Variants in PLEK observed in about 807,000 individuals in gnomAD.
PLEK encodes pleckstrin.
In PLEK, 25 loss-of-function variants were observed where a neutral mutation model predicts 43.9. That is an observed-to-expected ratio of 0.57 (90% confidence interval 0.41 to 0.79). PLEK has a LOEUF of 0.79. PLEK is among the 30% of genes least tolerant of loss of function. The probability of loss-of-function intolerance (pLI) is 0.00; values close to 1 mark genes in which losing one functional copy is unlikely to be tolerated. For synonymous variants in PLEK, 152 were observed against 144.4 expected, an observed-to-expected ratio of 1.05 and a Z score of -0.38; for missense variants, 396 against 413.3, an observed-to-expected ratio of 0.96 and a Z score of 0.36.
rs750083058 is a variant in PLEK, at chr2:68,395,944, G to T, written c.*128G>T. On this transcript the variant is annotated 3_prime_UTR_variant, in exon 9 of 9. Transcript: ENST00000234313. ...GGTGGGAAGTTTTCATTTGCAGGGG[G>T]GTCTGAATGTAACTCACCATGTGGT... 31 of 775,400 alleles carry T rather than the reference G, an allele frequency of 4.0e-5. No individual in the cohort carries two copies. Among genetic ancestry groups the T allele is most frequent in the Non-Finnish European group, 6.5e-5 (30 of 461,712 alleles). The allele number at this position is 775,400 out of a possible 1,614,324, so 48.0% of individuals were successfully genotyped here. A position where few individuals can be genotyped will look rare whatever the true frequency, so the allele number is the denominator to read the frequency against.
rs1207630262 is a variant in PLEK, at chr2:68,393,210, G to C, written c.811G>C (p.Asp271His). 1 of 1,612,908 alleles carries C rather than the reference G, an allele frequency of 6.2e-7. No homozygotes were observed. The highest frequency in any genetic ancestry group is 8.5e-7 in the Non-Finnish European group (1 of 1,178,886). The change falls in exon 7 of 9, where the codon GAC becomes CAC. Residue 271 changes from aspartate to histidine, a missense_variant. Physicochemically the swap from Asp to His is moderately conservative, Grantham distance 81. Coordinates refer to ENST00000234313, the MANE Select transcript of PLEK (RefSeq NM_002664.3). ...AGTGAGGAAGTTCATCTTGAGAGAA[G>C]ACCCTGCCTACCTGCACTACTATGA... Reference protein sequence around the residue: ...WKVRKFILREDPAYLHYYDPA... With the variant: ...WKVRKFILREHPAYLHYYDPA...
In PLEK at chr2:68,380,571, T is replaced by C. The variant is rs950676887; in HGVS notation, c.198+88T>C. On this transcript the variant is annotated intron_variant, in intron 2 of 8. Transcript: ENST00000234313. ...TTGCCTACAATGTGGGTGGTGCTCCTTGGGCTGGTCCCTCTCACCACCACC... is the reference window on the plus strand; with the variant it reads ...TTGCCTACAATGTGGGTGGTGCTCCCTGGGCTGGTCCCTCTCACCACCACC... 74 of 1,455,016 alleles carry C rather than the reference T, an allele frequency of 5.1e-5. 1 individual carries two copies. The East Asian group carries it at 1.7e-3, about 33-fold the overall frequency. 90.1% of individuals were successfully genotyped at this position (1,455,016 alleles called of 1,614,324 possible).
chr2:68,380,899 C>G lies in PLEK; in HGVS notation c.375C>G (p.Asp125Glu). The stretch of plus-strand genomic sequence containing the variant: ...CCATTCGACTGCCAGAAACCATTGA[C>G]TTAGGGTGATTTTCTGTGTTTACTT... Reference protein sequence around the residue: ...RRSIRLPETIDLGALYLSMKD... With the variant: ...RRSIRLPETIELGALYLSMKD... Residue 125 changes from aspartate (D) to glutamate (E), a missense_variant, in exon 3 of 9, where the codon GAC (aspartate) becomes GAG (glutamate). Asp to Glu is a conservative substitution (Grantham distance 45). Coordinates refer to ENST00000234313, the MANE Select transcript of PLEK (RefSeq NM_002664.3). 1 of 1,612,394 alleles carries G rather than the reference C, an allele frequency of 6.2e-7. No homozygotes were observed. The highest frequency in any genetic ancestry group is 1.1e-5 in the South Asian group (1 of 90,936).
chr2:68,380,530 AC>A (rs1673592267), intron 2 of PLEK, 47 bp downstream of exon 2: 5 of 1,583,340 alleles, frequency 3.2e-6, no homozygotes, highest in Non-Finnish European at 4.3e-6. Context: ...CAGGCACTCA[AC>A]TTTTGGTGCA....
At chr2:68,366,981 G>A (rs1263757948) in intron 1 of PLEK, among the ~76,000 whole-genome samples, 1 of 152,146 alleles carries the variant, frequency 6.6e-6, no homozygotes, top group African/African-American at 2.4e-5. Flanking sequence ...AATAAGTGAA[G>A]CTGTCTCACT....
chr2:68,375,614 T>C (rs1213903245), intron 1 of PLEK, among the ~76,000 whole-genome samples: 1 of 152,218 alleles, frequency 6.6e-6, no homozygotes, highest in African/African-American at 2.4e-5. Flanking sequence ...ACAAAGGAAA[T>C]GTTTGGACAA....
In PLEK at chr2:68,386,620, C is replaced by T. The variant is rs267599424; in HGVS notation, c.591C>T (p.Ser197=). 1 of 1,613,854 alleles carries T rather than the reference C, an allele frequency of 6.2e-7. No individual in the cohort carries two copies. The highest frequency in any genetic ancestry group is 8.5e-7 in the Non-Finnish European group (1 of 1,179,754). ...ATCTGCAGCCTGCTGGAGACATGTC[C>T]AAGAGTGCAGTGGATGGAACTGCTG... ...EGYLQPAGDM[S]KSAVDGTAEN... Residue 197 remains serine (S), a synonymous_variant, in exon 5 of 9, where the codon TCC becomes TCT. Transcript: ENST00000234313.
chr2:68,395,901 A>T lies in PLEK; in HGVS notation c.*85A>T. 5 of 1,230,098 alleles carry T rather than the reference A, an allele frequency of 4.1e-6. No individual in the cohort carries two copies. Among genetic ancestry groups the T allele is most frequent in the Non-Finnish European group, 4.7e-6 (4 of 848,628 alleles). The allele number at this position is 1,230,098 out of a possible 1,614,324, so 76.2% of individuals were successfully genotyped here. A position where few individuals can be genotyped will look rare whatever the true frequency, so the allele number is the denominator to read the frequency against. ...GACCTGTCCACTTCTGTGACAAATC[A>T]ACGGGAAACAGCCCAGGGGTGGGAA... is the stretch of plus-strand genomic sequence containing the variant. On this transcript the variant is annotated 3_prime_UTR_variant, in exon 9 of 9. Coordinates refer to ENST00000234313, the MANE Select transcript of PLEK (RefSeq NM_002664.3).
chr2:68,385,240 T>C (rs1030320791), intron 4 of PLEK, among the ~76,000 whole-genome samples: 3 of 152,218 alleles, frequency 2.0e-5, no homozygotes, highest in Admixed American at 1.3e-4. Flanking sequence ...TCACCTCAAA[T>C]ATCTATCTTT....
intron 6 of PLEK, among the ~76,000 whole-genome samples, chr2:68,392,174 C>CCTTCTTCTTCTTCTTCTT (rs376729611): frequency 1.3e-5 from 2 of 149,390 alleles, no homozygotes; most frequent in African/African-American, 5.0e-5. Context: ...TCCTCCTCCT[C>CCTTCTTCTTCTTCTTCTT]CTTCTTCTTC....
intron 3 of PLEK, among the ~76,000 whole-genome samples, chr2:68,381,492 A>C (rs1673615762): frequency 6.6e-6 from 1 of 152,144 alleles, no homozygotes; most frequent in Non-Finnish European, 1.5e-5. Context: ...TTCCTTCCTG[A>C]GTATCTCACA....
intron 4 of PLEK, among the ~76,000 whole-genome samples, chr2:68,385,905 C>G (rs553672261): frequency 1.4e-4 from 22 of 152,288 alleles, no homozygotes; most frequent in Non-Finnish European, 1.0e-4. Context: ...CCCTTTTACA[C>G]TCCTTGAGGG....
At chr2:68,380,004 T>C (rs1249969922) in intron 1 of PLEK, among the ~76,000 whole-genome samples, 1 of 151,390 alleles carries the variant, frequency 6.6e-6, no homozygotes. Flanking sequence ...GTCTGTGCAG[T>C]TCGGGAAGCC....
chr2:68,388,102 G>A, intron 5 of PLEK: 1 of 323,108 alleles, frequency 3.1e-6, no homozygotes, highest in Non-Finnish European at 5.7e-6. Context: ...TTAGGAAGAT[G>A]GAGCTAAAGT....
At chr2:68,392,093 G>T (rs573185893) in intron 6 of PLEK, among the ~76,000 whole-genome samples, 1 of 150,970 alleles carries the variant, frequency 6.6e-6, no homozygotes. Flanking sequence ...AGGCCAAGTC[G>T]TCACCTTCTT....
chr2:68,387,441 C>T (rs958309709), intron 5 of PLEK, among the ~76,000 whole-genome samples: 1 of 152,202 alleles, frequency 6.6e-6, no homozygotes, highest in Admixed American at 6.5e-5. Context: ...CTATAAATCA[C>T]AGGTTTGATG....
In PLEK at chr2:68,380,867, A is replaced by G. The variant is rs776620879; in HGVS notation, c.343A>G (p.Arg115Gly). ...CCAGAAATTTGCCAGGAAATCTACC[A>G]GGAGGTCCATTCGACTGCCAGAAAC... ...GGQKFARKSTRRSIRLPETID... is the reference protein window; with the variant it reads ...GGQKFARKSTGRSIRLPETID... The change falls in exon 3 of 9, where the codon AGG (arginine) becomes GGG (glycine). Residue 115 changes from arginine (R) to glycine (G), a missense_variant. Transcript: ENST00000234313. 3.1e-6 allele frequency: 5 copies of G among 1,613,864 alleles called. No homozygotes were observed. In the African/African-American group the frequency reaches 5.3e-5, roughly 17 times the overall value.
At chr2:68,376,889 C>A (rs939268250) in intron 1 of PLEK, among the ~76,000 whole-genome samples, 2 of 151,994 alleles carry the variant, frequency 1.3e-5, no homozygotes, top group African/African-American at 4.8e-5. Flanking sequence ...TTTTTGGTAC[C>A]CATTAACCAT....
chr2:68,384,264 T>C (rs1673694330), intron 4 of PLEK, among the ~76,000 whole-genome samples: 1 of 152,100 alleles, frequency 6.6e-6, no homozygotes, highest in African/African-American at 2.4e-5. Context: ...TCTTTTTATT[T>C]GAGACGGAGT....
Sources: gnomAD v4.1 joint callset for allele counts (sites outside exome capture counted in the v4.1 genomes callset) on GRCh38, gnomAD v4.1.1 for gene constraint, MANE v1.5 for transcripts, NCBI Gene and HGNC (gene_info 2026-07-23, HGNC 2026-07-21) for gene names.